Variants in CLSTN2 observed in about 807,000 individuals in gnomAD.
CLSTN2 encodes the protein calsyntenin-2.
Under a neutral mutation model 101.2 loss-of-function variants are expected in CLSTN2, and 48 were observed. That is an observed-to-expected ratio of 0.47 (90% CI 0.38 to 0.60). CLSTN2 has a LOEUF of 0.60. Ranked by LOEUF, CLSTN2 falls within the 20% of genes least tolerant of loss-of-function variation. The probability of loss-of-function intolerance (pLI) is 0.00; values close to 1 mark genes in which losing one functional copy is unlikely to be tolerated. For synonymous variants in CLSTN2, 481 were observed against 463.6 expected, an observed-to-expected ratio of 1.04 and a Z score of -0.48; for missense variants, 1,160 against 1,238.2, an observed-to-expected ratio of 0.94 and a Z score of 0.95.
chr3:140,384,572 T>G lies in CLSTN2; in HGVS notation c.233-19057T>G, dbSNP rs543997157. On this transcript the variant is annotated intron_variant, in intron 2 of 16. Coordinates refer to ENST00000458420, the MANE Select transcript of CLSTN2 (RefSeq NM_022131.3). The stretch of plus-strand genomic sequence containing the variant: ...GCCCAGGGGTCGCCTGGTGCATGTT[T>G]AAGAAAGTCCCTTCATTTTCCACTC... Among the ~76,000 whole-genome samples, 1,207 of 152,304 alleles carry G rather than the reference T, an allele frequency of 7.9e-3. 8 individuals carry two copies. Among genetic ancestry groups the G allele is most frequent in the Non-Finnish European group, 0.013 (870 of 68,008 alleles).
At chr3:140,097,482 C>T (rs1159595083) in intron 1 of CLSTN2, among the ~76,000 whole-genome samples, 1 of 152,126 alleles carries the variant, frequency 6.6e-6, no homozygotes, top group African/African-American at 2.4e-5. Context: ...TAACTATGTG[C>T]CCTTGAAGAG....
chr3:140,416,994 T>A lies in CLSTN2; in HGVS notation c.638-4131T>A, dbSNP rs137878150. Among the ~76,000 whole-genome samples, 286 of 152,362 alleles carry A rather than the reference T, an allele frequency of 1.9e-3. 3 individuals are homozygous for A. The highest frequency in any genetic ancestry group is 5.8e-3 in the African/African-American group (242 of 41,588). On this transcript the variant is annotated intron_variant, in intron 4 of 16. Transcript: ENST00000458420. ...TTCCCATATGAATGGAAAAGTGTTA[T>A]ATGCCTTGTGTGGGAAATTTGGAAA... is the stretch of plus-strand genomic sequence containing the variant.
chr3:140,394,810 G>A (rs1376277172), intron 2 of CLSTN2, among the ~76,000 whole-genome samples: 1 of 152,134 alleles, frequency 6.6e-6, no homozygotes, highest in Non-Finnish European at 1.5e-5. Context: ...AGTGATTTTT[G>A]TAAATTGTTA....
intron 1 of CLSTN2, among the ~76,000 whole-genome samples, chr3:139,936,991 C>T (rs1005444718): frequency 6.6e-6 from 1 of 150,966 alleles, no homozygotes; most frequent in African/African-American, 2.4e-5. Flanking sequence ...AGGGATCAAG[C>T]TGAGAGACTG....
At chr3:140,271,613 G>A (rs1439278750) in intron 2 of CLSTN2, among the ~76,000 whole-genome samples, 1 of 152,052 alleles carries the variant, frequency 6.6e-6, no homozygotes, top group Non-Finnish European at 1.5e-5. Flanking sequence ...TTTCATAAGG[G>A]CACTAATCCC....
chr3:140,515,603 T>C (rs1934903041), intron 8 of CLSTN2, among the ~76,000 whole-genome samples: 1 of 152,170 alleles, frequency 6.6e-6, no homozygotes, highest in Non-Finnish European at 1.5e-5. Context: ...TTTTTAATTT[T>C]CATCTTGATT....
chr3:140,524,242 T>C (rs1935091042), intron 8 of CLSTN2, among the ~76,000 whole-genome samples: 1 of 151,888 alleles, frequency 6.6e-6, no homozygotes. Flanking sequence ...GTGTTTGAAG[T>C]ACCTGTAGAA....
intron 1 of CLSTN2, among the ~76,000 whole-genome samples, chr3:139,957,401 A>G (rs1428041000): frequency 6.6e-6 from 1 of 152,090 alleles, no homozygotes; most frequent in Non-Finnish European, 1.5e-5. Context: ...TCTCTATGTC[A>G]TCTTAAAATG....
intron 2 of CLSTN2, among the ~76,000 whole-genome samples, chr3:140,368,493 G>A (rs890946282): frequency 3.3e-5 from 5 of 152,108 alleles, no homozygotes; most frequent in Admixed American, 2.0e-4. Context: ...CTCTGGCTTC[G>A]GGTCTCTGAA....
At chr3:140,445,354 C>A (rs1458319720) in intron 5 of CLSTN2, among the ~76,000 whole-genome samples, 1 of 152,152 alleles carries the variant, frequency 6.6e-6, no homozygotes, top group Non-Finnish European at 1.5e-5. Context: ...GAAAGGGATG[C>A]CTGCAGCCTC....
chr3:140,155,998 T>A (rs1406247117), intron 1 of CLSTN2, among the ~76,000 whole-genome samples: 2 of 152,146 alleles, frequency 1.3e-5, no homozygotes, highest in African/African-American at 4.8e-5. Context: ...CCAGCCCTCC[T>A]AGGGGCAATT....
intron 2 of CLSTN2, among the ~76,000 whole-genome samples, chr3:140,380,292 G>A (rs4683490): frequency 0.93 from 142,054 of 152,142 alleles, 67,081 homozygotes; most frequent in East Asian, 1. Flanking sequence ...TGGTGGAAGG[G>A]GAGGCAGGGC....
intron 5 of CLSTN2, among the ~76,000 whole-genome samples, chr3:140,444,528 C>T (rs552109718): frequency 1.3e-5 from 2 of 152,090 alleles, no homozygotes; most frequent in South Asian, 4.1e-4. Context: ...CCCACTGGGT[C>T]CCTGAAAGGA....
In CLSTN2 at chr3:140,532,492, C is replaced by A; in HGVS notation, c.1507+6C>A. On this transcript the variant is annotated splice_donor_region_variant and intron_variant, in intron 9 of 16. Coordinates refer to ENST00000458420, the MANE Select transcript of CLSTN2 (RefSeq NM_022131.3). Reference sequence around the variant, plus strand: ...AGTCGGCGCTTGTTGGCAAGGTAATCCTAAGTGAAACCCTTTTCTCTGACC... The same window carrying A: ...AGTCGGCGCTTGTTGGCAAGGTAATACTAAGTGAAACCCTTTTCTCTGACC... The A allele has an allele frequency of 1.9e-6, 3 of 1,609,526 alleles. No homozygotes were observed. The highest frequency in any genetic ancestry group is 2.5e-6 in the Non-Finnish European group (3 of 1,177,352).
At chr3:140,406,136 A>G (rs2088299638) in intron 4 of CLSTN2, among the ~76,000 whole-genome samples, 1 of 152,220 alleles carries the variant, frequency 6.6e-6, no homozygotes, top group African/African-American at 2.4e-5. Context: ...CTGATAGCCA[A>G]TGTCTAGAGG....
chr3:140,162,506 A>G (rs1056435097), intron 1 of CLSTN2, among the ~76,000 whole-genome samples: 4 of 152,182 alleles, frequency 2.6e-5, no homozygotes, highest in Admixed American at 1.3e-4. Context: ...CTGAGCAGGC[A>G]GGAATGCAGA....
chr3:140,187,424 A>G (rs1181900400), intron 2 of CLSTN2, among the ~76,000 whole-genome samples: 1 of 152,162 alleles, frequency 6.6e-6, no homozygotes, highest in African/African-American at 2.4e-5. Context: ...TCTCCCCAGC[A>G]AGGAGGAAAA....
At chr3:139,988,246 C>T (rs1166765674) in intron 1 of CLSTN2, among the ~76,000 whole-genome samples, 2 of 152,030 alleles carry the variant, frequency 1.3e-5, no homozygotes, top group Non-Finnish European at 2.9e-5. Context: ...TTTGTTGGGC[C>T]CAATTAGACT....
intron 2 of CLSTN2, among the ~76,000 whole-genome samples, chr3:140,274,089 C>T (rs115861241): frequency 0.035 from 5,324 of 152,252 alleles, 190 homozygotes; most frequent in African/African-American, 0.088. Flanking sequence ...ACCTCTGAGA[C>T]AGTGTCCTGG....
Sources: allele counts gnomAD v4.1 joint callset (sites outside exome capture counted in the v4.1 genomes callset), GRCh38; gene constraint gnomAD v4.1.1; transcripts MANE v1.5; gene names NCBI Gene and HGNC (gene_info 2026-07-23, HGNC 2026-07-21).